Variants in CACNB3 observed in about 807,000 individuals in gnomAD.
CACNB3 encodes calcium voltage-gated channel auxiliary subunit beta 3.
In CACNB3, 36 loss-of-function variants were observed where a neutral mutation model predicts 63.7. That is an observed-to-expected ratio of 0.57 (90% CI 0.43 to 0.75). CACNB3 has a LOEUF of 0.75. Among genes scored for constraint, CACNB3 ranks in the 30% least tolerant of loss-of-function variants. The pLI, the probability that CACNB3 is intolerant of heterozygous loss-of-function variation, is 0.00. For synonymous variants in CACNB3, 241 were observed against 250.6 expected, an observed-to-expected ratio of 0.96 and a Z score of 0.36; for missense variants, 493 against 648.6, an observed-to-expected ratio of 0.76 and a Z score of 2.61.
upstream of CACNB3, chr12:48,817,115 T>C (rs879654370): frequency 3.1e-5 from 18 of 580,718 alleles, no homozygotes; most frequent in African/African-American, 4.1e-5. Flanking sequence ...CCACAGGGGC[T>C]GCAACAAAGT....
chr12:48,825,369 G>A lies in CACNB3; in HGVS notation c.574-65G>A. On this transcript the variant is annotated intron_variant, in intron 7 of 12. Transcript: ENST00000301050. This position sits in a 1 kb window ranked among gnomAD's most constrained non-coding sequence, Gnocchi z 4.5. ...TGTATGTGGAGCGCATTGACTCTGG[G>A]GCCATGCATGGGGAGGCTGCTTCTC... 1 of 1,591,644 alleles carries A rather than the reference G, an allele frequency of 6.3e-7. No individual in the cohort carries two copies. The highest frequency in any genetic ancestry group is 8.6e-7 in the Non-Finnish European group (1 of 1,159,674).
In CACNB3 at chr12:48,825,045, T is replaced by C; in HGVS notation, c.492+77T>C. ...GGACAGTGTTCTAGGCAGTCATTGT[T>C]GGAGGGCAGAACAGAGAGGGGAGGG... On this transcript the variant is annotated intron_variant, in intron 6 of 12. Coordinates refer to ENST00000301050, the MANE Select transcript of CACNB3 (RefSeq NM_000725.4). This position sits in a 1 kb window ranked among gnomAD's most constrained non-coding sequence, Gnocchi z 4.5. 3 of 1,593,584 alleles carry C rather than the reference T, an allele frequency of 1.9e-6. No homozygotes were observed. The African/African-American group carries it at 4.0e-5, about 21-fold the overall frequency.
upstream of CACNB3, among the ~76,000 whole-genome samples, chr12:48,816,078 G>C (rs886733320): frequency 7.2e-5 from 11 of 152,174 alleles, no homozygotes; most frequent in African/African-American, 2.7e-4. Flanking sequence ...GCCTCCACCT[G>C]GTCCAGATCT....
At position 48,825,014 on chromosome 12, in the gene CACNB3, C is replaced by A. The variant is rs377563146; in HGVS notation, c.492+46C>A. ...GGGCTGGGGGGATCATGGCTTATGGCTCTGGGGACAGTGTTCTAGGCAGTC... is the reference window on the plus strand; with the variant it reads ...GGGCTGGGGGGATCATGGCTTATGGATCTGGGGACAGTGTTCTAGGCAGTC... On this transcript the variant is annotated intron_variant, in intron 6 of 12. Coordinates refer to ENST00000301050, the MANE Select transcript of CACNB3 (RefSeq NM_000725.4). This position sits in a 1 kb window ranked among gnomAD's most constrained non-coding sequence, Gnocchi z 4.5. The A allele has an allele frequency of 1.1e-5, 17 of 1,578,184 alleles. No homozygotes were observed. The African/African-American group carries it at 2.7e-4, about 25-fold the overall frequency.
rs1441719055 is a variant in CACNB3 at position 48,823,911 on chromosome 12, A to G, written c.291+108A>G. The G allele has an allele frequency of 1.3e-5, 19 of 1,432,196 alleles. No individual in the cohort carries two copies. The highest frequency in any genetic ancestry group is 2.8e-5 in the African/African-American group (2 of 70,916). The allele number at this position is 1,432,196 out of a possible 1,614,324, so 88.7% of individuals were successfully genotyped here. On this transcript the variant is annotated intron_variant, in intron 3 of 12. Coordinates refer to ENST00000301050, the MANE Select transcript of CACNB3 (RefSeq NM_000725.4). The surrounding 1 kb of genome is among the most constrained non-coding windows in gnomAD (Gnocchi z 4.2). ...CTCAGTCTAATTCCCCAAGCTAATCAGCTCTTCTCCTTAACACACACCTGT... is the reference window on the plus strand; with the variant it reads ...CTCAGTCTAATTCCCCAAGCTAATCGGCTCTTCTCCTTAACACACACCTGT...
In CACNB3 at chr12:48,823,611, G is replaced by C; in HGVS notation, c.169-70G>C. On this transcript the variant is annotated intron_variant, in intron 2 of 12. Transcript: ENST00000301050. The surrounding 1 kb of genome is among the most constrained non-coding windows in gnomAD (Gnocchi z 4.2). ...TGGGCAGAGGCCACGGCCTTCTGCT[G>C]TTGGGGCACTGAAGCTGGAAGGGGT... 1.2e-6 allele frequency: 2 copies of C among 1,611,824 alleles called. No homozygotes were observed. The highest frequency in any genetic ancestry group is 1.7e-6 in the Non-Finnish European group (2 of 1,178,646).
chr12:48,814,576 G>A, upstream of CACNB3: 6 of 1,506,978 alleles, frequency 4.0e-6, no homozygotes, highest in Non-Finnish European at 5.3e-6. The surrounding 1 kb of genome is among the most constrained non-coding windows in gnomAD (Gnocchi z 6.9). Context: ...TAGGGTCCCG[G>A]AAGGGCGCGG....
At position 48,823,957 on chromosome 12, in the gene CACNB3, C is replaced by G. The variant is rs917594556; in HGVS notation, c.291+154C>G. 8 of 975,296 alleles carry G rather than the reference C, an allele frequency of 8.2e-6. No homozygotes were observed. The Admixed American group carries it at 1.9e-4, about 23-fold the overall frequency. The allele number at this position is 975,296 out of a possible 1,614,324, so 60.4% of individuals were successfully genotyped here. On this transcript the variant is annotated intron_variant, in intron 3 of 12. Transcript: ENST00000301050. This position sits in a 1 kb window ranked among gnomAD's most constrained non-coding sequence, Gnocchi z 4.2. ...CCTGTCCACCCCTCATATCTAAGAT[C>G]TCATCCCCAGGGTCTCCATCCTTCT... is the stretch of plus-strand genomic sequence containing the variant.
In CACNB3 at chr12:48,826,881, T is replaced by C. The variant is rs1938167024; in HGVS notation, c.990+27T>C. 1.2e-6 allele frequency: 2 copies of C among 1,611,618 alleles called. No individual in the cohort carries two copies. Among genetic ancestry groups the C allele is most frequent in the Non-Finnish European group, 8.5e-7 (1 of 1,177,892 alleles). ...TGAGTGCCTGGGTCAGCTGCTCCTG[T>C]GCCCACTCCCCCAGGGCTGCGGCAG... On this transcript the variant is annotated intron_variant, in intron 11 of 12. Transcript: ENST00000301050. This position sits in a 1 kb window ranked among gnomAD's most constrained non-coding sequence, Gnocchi z 4.8.
Position 48,826,181 on chromosome 12 carries a change from C to T in CACNB3, c.743-186C>T, listed in dbSNP as rs183144910. The T allele has an allele frequency of 1.6e-6, 1 of 615,564 alleles. No homozygotes were observed. The highest frequency in any genetic ancestry group is 2.0e-5 in the South Asian group (1 of 51,018). The allele number at this position is 615,564 out of a possible 1,614,324, so 38.1% of individuals were successfully genotyped here. A position where few individuals can be genotyped will look rare whatever the true frequency, so the allele number is the denominator to read the frequency against. On this transcript the variant is annotated intron_variant, in intron 9 of 12. Coordinates refer to ENST00000301050, the MANE Select transcript of CACNB3 (RefSeq NM_000725.4). The surrounding 1 kb of genome is among the most constrained non-coding windows in gnomAD (Gnocchi z 4.8). ...CTTGTCTTTCTGCCCAACTCCTCTA[C>T]CTGCCCCCAGGATTGGCAAGAACAC... is the stretch of plus-strand genomic sequence containing the variant.
upstream of CACNB3, among the ~76,000 whole-genome samples, chr12:48,816,447 T>C (rs1942290509): frequency 6.6e-6 from 1 of 152,230 alleles, no homozygotes; most frequent in Non-Finnish European, 1.5e-5. Context: ...TAGGGCTACA[T>C]GGACACTGAC....
upstream of CACNB3, among the ~76,000 whole-genome samples, chr12:48,817,686 C>G (rs541014205): frequency 3.3e-5 from 5 of 152,146 alleles, no homozygotes; most frequent in African/African-American, 4.8e-5. Context: ...GGTACAAGCC[C>G]TTCTGCTAAG....
At position 48,818,509 on chromosome 12, in the gene CACNB3, G is replaced by GCCGCCACGGCC; in HGVS notation, c.-417_-407dup. Reference sequence around the variant, plus strand: ...GCAGCCTCTCCTCCCCTTCCTCCCCGCCGCCACGGCCCCGTAGGTGCTCGG... The same window carrying GCCGCCACGGCC: ...GCAGCCTCTCCTCCCCTTCCTCCCCGCCGCCACGGCCCCGCCACGGCCCCGTAGGTGCTCGG... On this transcript the variant is annotated 5_prime_UTR_variant, in exon 1 of 13. Transcript: ENST00000301050. This position sits in a 1 kb window ranked among gnomAD's most constrained non-coding sequence, Gnocchi z 4.3. The GCCGCCACGGCC allele has an allele frequency of 1.0e-6, 1 of 1,001,630 alleles. No homozygotes were observed. Among genetic ancestry groups the GCCGCCACGGCC allele is most frequent in the Non-Finnish European group, 1.2e-6 (1 of 841,162 alleles). The allele number at this position is 1,001,630 out of a possible 1,614,324, so 62.0% of individuals were successfully genotyped here.
chr12:48,825,852 G>A lies in CACNB3; in HGVS notation c.742+83G>A. On this transcript the variant is annotated intron_variant, in intron 9 of 12. Coordinates refer to ENST00000301050, the MANE Select transcript of CACNB3 (RefSeq NM_000725.4). The surrounding 1 kb of genome is among the most constrained non-coding windows in gnomAD (Gnocchi z 4.5). ...TCCTCCCTTTTCTTTTTTTTGAGAT[G>A]GAGTCTCGCTCTGTCACCTAGGCTG... 2 of 933,530 alleles carry A rather than the reference G, an allele frequency of 2.1e-6. No homozygotes were observed. Among genetic ancestry groups the A allele is most frequent in the African/African-American group, 1.6e-5 (1 of 61,294 alleles). 57.8% of individuals were successfully genotyped at this position (933,530 alleles called of 1,614,324 possible).
At position 48,822,875 on chromosome 12, in the gene CACNB3, G is replaced by A. The variant is rs532566121; in HGVS notation, c.46-469G>A. Among the ~76,000 whole-genome samples, 9 of 152,308 alleles carry A rather than the reference G, an allele frequency of 5.9e-5. No individual in the cohort carries two copies. The East Asian group carries it at 1.7e-3, about 29-fold the overall frequency. ...TTCAGGACTGGTGCTGTGCCAACCA[G>A]CATCTCTTGACTGTTGCGGCTGGCT... is the stretch of plus-strand genomic sequence containing the variant. On this transcript the variant is annotated intron_variant, in intron 1 of 12. Transcript: ENST00000301050.
intron 1 of CACNB3, among the ~76,000 whole-genome samples, chr12:48,822,689 A>G (rs1444243352): frequency 6.6e-6 from 1 of 152,140 alleles, no homozygotes; most frequent in Non-Finnish European, 1.5e-5. Context: ...GAAGAAAAGT[A>G]GGGGGTGGGG....
At chr12:48,818,445 C>A, upstream of CACNB3, 8 of 989,366 alleles carry the variant, frequency 8.1e-6, no homozygotes, top group Non-Finnish European at 9.6e-6. The surrounding 1 kb of genome is among the most constrained non-coding windows in gnomAD (Gnocchi z 4.3). Flanking sequence ...CCGCATCTCT[C>A]CTCGCCCCGC....
intron 1 of CACNB3, among the ~76,000 whole-genome samples, chr12:48,819,221 G>T (rs1037663128): frequency 1.3e-5 from 2 of 152,032 alleles, no homozygotes; most frequent in Non-Finnish European, 2.9e-5. Flanking sequence ...CAAGCAGGTG[G>T]CTCCACGGCC....
intron 1 of CACNB3, among the ~76,000 whole-genome samples, chr12:48,819,240 A>G (rs532974374): frequency 1.3e-5 from 2 of 151,832 alleles, no homozygotes; most frequent in African/African-American, 2.4e-5. Flanking sequence ...CCCAGGAAAG[A>G]GGGGTGGGAG....
Sources: gnomAD v4.1 joint callset for allele counts (sites outside exome capture counted in the v4.1 genomes callset) on GRCh38, gnomAD v4.1.1 for gene constraint, Gnocchi (gnomAD v3.1) non-coding constraint, MANE v1.5 for transcripts, NCBI Gene and HGNC (gene_info 2026-07-23, HGNC 2026-07-21) for gene names.